Variants in TICRR observed in about 807,000 individuals in gnomAD.
The protein encoded by TICRR is treslin.
Under a neutral mutation model 178.1 loss-of-function variants are expected in TICRR, and 132 were observed. That is an observed-to-expected ratio of 0.74 (90% CI 0.64 to 0.86). The LOEUF is 0.86. Among genes scored for constraint, TICRR ranks in the 40% least tolerant of loss-of-function variants. TICRR has a pLI of 0.00. For missense variants in TICRR, 2,587 were observed against 2,334.3 expected (o/e 1.11, Z -2.23); for synonymous variants, 991 against 900.7 (o/e 1.10, Z -1.79).
chr15:89,627,081 T>G lies in TICRR; in HGVS notation c.5728T>G (p.Leu1910Val). The G allele has an allele frequency of 6.2e-7, 1 of 1,613,992 alleles. No homozygotes were observed. The highest frequency in any genetic ancestry group is 1.7e-5 in the Admixed American group (1 of 60,024). Residue 1910 changes from leucine to valine, a missense_variant, in exon 22 of 22, where the codon TTA becomes GTA. Coordinates refer to ENST00000268138, the MANE Select transcript of TICRR (RefSeq NM_152259.4). The stretch of plus-strand genomic sequence containing the variant: ...GCTCATGGGAACCTGGCTGGAGGAC[T>G]TATAGCCACAAACATTACTGAGCCC... The part of the protein sequence containing the change: ...KKLMGTWLED[L>V]
chr15:89,591,252 T>C (rs928238066), intron 4 of TICRR, among the ~76,000 whole-genome samples: 2 of 152,080 alleles, frequency 1.3e-5, no homozygotes, highest in African/African-American at 2.4e-5. Context: ...ACCTCCCGAA[T>C]AGCTAGGAAT....
chr15:89,598,788 T>G (rs1188095803), intron 7 of TICRR, among the ~76,000 whole-genome samples: 2 of 152,018 alleles, frequency 1.3e-5, no homozygotes, highest in East Asian at 3.9e-4. Flanking sequence ...GATAGATGGC[T>G]TGAGTTCAGG....
intron 19 of TICRR, 61 bp downstream of exon 19, chr15:89,621,611 A>C: frequency 7.1e-7 from 1 of 1,403,086 alleles, no homozygotes; most frequent in Non-Finnish European, 9.8e-7. Context: ...GACATGGCCA[A>C]GGAACTCAGA....
Position 89,595,319 on chromosome 15 carries a change from T to C in TICRR, c.1682-74T>C, listed in dbSNP as rs80141737. ...ATTTTGATATTCTTTCACAGTAATC[T>C]GAATTAAAGTAGTTCTTCTTTCCAC... On this transcript the variant is annotated intron_variant, in intron 6 of 21. Coordinates refer to ENST00000268138, the MANE Select transcript of TICRR (RefSeq NM_152259.4). The C allele has an allele frequency of 3.1e-4, 322 of 1,030,746 alleles. 1 individual carries two copies. In the East Asian group the frequency reaches 7.1e-3, roughly 23 times the overall value. The allele number at this position is 1,030,746 out of a possible 1,614,324, so 63.9% of individuals were successfully genotyped here. A position where few individuals can be genotyped will look rare whatever the true frequency, so the allele number is the denominator to read the frequency against.
At chr15:89,608,009 T>C (rs182517235) in intron 14 of TICRR, among the ~76,000 whole-genome samples, 1 of 152,294 alleles carries the variant, frequency 6.6e-6, no homozygotes, top group African/African-American at 2.4e-5. Context: ...CTTTGCTCAA[T>C]GCTGAGCTGA....
At chr15:89,582,538 T>A (rs1158792146) in intron 1 of TICRR, 148 bp from the exon 2 acceptor site, 22 of 713,064 alleles carry the variant, frequency 3.1e-5, no homozygotes, top group Non-Finnish European at 4.6e-6. Context: ...ATGCTGACCA[T>A]TATTTCTATT....
chr15:89,576,813 GTGTGTGTGTATATATATA>G (rs1212891745), intron 1 of TICRR, among the ~76,000 whole-genome samples: 15 of 8,882 alleles, frequency 1.7e-3, no homozygotes, highest in Non-Finnish European at 5.8e-3. Flanking sequence ...GTGTGTGTAT[GTGTGTGTGTATATATATA>G]TATATATATA....
intron 7 of TICRR, among the ~76,000 whole-genome samples, chr15:89,598,067 T>C (rs12913778): frequency 0.83 from 125,592 of 152,144 alleles, 52,634 homozygotes; most frequent in Non-Finnish European, 0.92. Context: ...CAATGGACTT[T>C]TATGTATTAA....
intron 4 of TICRR, among the ~76,000 whole-genome samples, chr15:89,588,819 G>C (rs958226702): frequency 6.6e-6 from 1 of 152,260 alleles, no homozygotes; most frequent in East Asian, 1.9e-4. Context: ...AGTCTTTGAG[G>C]AGTAAGGGGG....
intron 14 of TICRR, among the ~76,000 whole-genome samples, chr15:89,607,288 G>A (rs191767697): frequency 2.8e-4 from 43 of 152,240 alleles, no homozygotes; most frequent in Non-Finnish European, 5.1e-4. Context: ...TAATAATGGC[G>A]TTGGGGTTAT....
intron 3 of TICRR, among the ~76,000 whole-genome samples, chr15:89,584,972 C>T (rs1357927103): frequency 2.0e-5 from 3 of 152,150 alleles, no homozygotes; most frequent in Non-Finnish European, 2.9e-5. Flanking sequence ...AGCAGTTGGA[C>T]AGTAGTTACA....
intron 7 of TICRR, among the ~76,000 whole-genome samples, chr15:89,599,093 T>A (rs1963048935): frequency 6.6e-6 from 1 of 151,948 alleles, no homozygotes; most frequent in Non-Finnish European, 1.5e-5. Context: ...AGATAATTCT[T>A]CGTTGTAGGG....
intron 4 of TICRR, among the ~76,000 whole-genome samples, chr15:89,590,849 G>T (rs1279490911): frequency 6.6e-6 from 1 of 152,228 alleles, no homozygotes; most frequent in Non-Finnish European, 1.5e-5. Flanking sequence ...TACATTTTAA[G>T]TATTTGGGTT....
At chr15:89,603,305 A>G (rs1221635438) in intron 13 of TICRR, among the ~76,000 whole-genome samples, 1 of 152,248 alleles carries the variant, frequency 6.6e-6, no homozygotes, top group African/African-American at 2.4e-5. Context: ...GGCCAGGCAC[A>G]GCGGCTCACA....
Position 89,576,265 on chromosome 15 carries a change from G to C in TICRR, c.654+25G>C, listed in dbSNP as rs777943438. ...GGTAAGGAAGGTTACTGTCGTCTCA[G>C]ATGGCGTGCACGGTGCTTTCCTTGC... On this transcript the variant is annotated intron_variant, in intron 1 of 21. Transcript: ENST00000268138. 4.6e-6 allele frequency: 7 copies of C among 1,519,994 alleles called. No homozygotes were observed. The Admixed American group carries it at 8.1e-5, about 18-fold the overall frequency. The allele number at this position is 1,519,994 out of a possible 1,614,324, so 94.2% of individuals were successfully genotyped here. A position where few individuals can be genotyped will look rare whatever the true frequency, so the allele number is the denominator to read the frequency against.
At chr15:89,606,281 G>A (rs969937511) in intron 13 of TICRR, among the ~76,000 whole-genome samples, 8 of 152,158 alleles carry the variant, frequency 5.3e-5, no homozygotes, top group African/African-American at 1.9e-4. Context: ...TACCCAAAAT[G>A]CTTAGGAGCA....
chr15:89,625,882 G>A, intron 20 of TICRR, 54 bp from the exon 21 acceptor site: 2 of 1,543,480 alleles, frequency 1.3e-6, no homozygotes, highest in Non-Finnish European at 8.7e-7. Flanking sequence ...GGAGGCCTGG[G>A]CTTCCCGGTT....
chr15:89,597,840 G>A (rs186299896), intron 7 of TICRR, among the ~76,000 whole-genome samples: 7 of 152,304 alleles, frequency 4.6e-5, no homozygotes, highest in Non-Finnish European at 1.5e-5. Context: ...AATCTTGACA[G>A]TATTGAGTCT....
At position 89,608,923 on chromosome 15, in the gene TICRR, A is replaced by G. The variant is rs764847043; in HGVS notation, c.2843A>G (p.Lys948Arg). ...TCAGCTGTGGATGGTCTAGAGGATA[A>G]ACTTGACAACTTCAAGAAGAACAAA... ...SVSAVDGLEDKLDNFKKNKGY... is the reference protein window; with the variant it reads ...SVSAVDGLEDRLDNFKKNKGY... Residue 948 changes from lysine to arginine, a missense_variant, in exon 15 of 22, where the codon AAA (lysine) becomes AGA (arginine). Physicochemically the swap from Lys to Arg is conservative, Grantham distance 26. Coordinates refer to ENST00000268138, the MANE Select transcript of TICRR (RefSeq NM_152259.4). 2.5e-6 allele frequency: 4 copies of G among 1,599,040 alleles called. No homozygotes were observed. In the African/African-American group the frequency reaches 4.1e-5, roughly 16 times the overall value.
Sources: allele counts gnomAD v4.1 joint callset (sites outside exome capture counted in the v4.1 genomes callset), GRCh38; gene constraint gnomAD v4.1.1; transcripts MANE v1.5; gene names NCBI Gene and HGNC (gene_info 2026-07-23, HGNC 2026-07-21).